The following ERBB4 variants were observed in gnomAD, a reference collection of about 807,000 sequenced individuals.
ERBB4 encodes the protein erb-b2 receptor tyrosine kinase 4, also known as receptor tyrosine-protein kinase erbB-4.
A neutral mutation model predicts 158.0 loss-of-function variants in ERBB4; 42 were observed. That is an observed-to-expected ratio of 0.27 (90% confidence interval 0.21 to 0.34). ERBB4 has a LOEUF of 0.34. ERBB4 is among the 10% of genes least tolerant of loss of function. ERBB4 has a pLI of 1.00. For synonymous variants in ERBB4, 583 were observed against 558.7 expected (o/e 1.04, Z -0.61); for missense variants, 1,333 against 1,624.1 (o/e 0.82, Z 3.08).
intron 2 of ERBB4, among the ~76,000 whole-genome samples, chr2:212,015,946 T>C (rs1009784882): frequency 1.3e-5 from 2 of 152,034 alleles, no homozygotes; most frequent in African/African-American, 4.8e-5. Flanking sequence ...TTGCATCATA[T>C]GTTTTATACC....
chr2:212,313,891 C>T (rs1351277726), intron 1 of ERBB4, among the ~76,000 whole-genome samples: 2 of 151,026 alleles, frequency 1.3e-5, no homozygotes, highest in African/African-American at 2.4e-5. Context: ...GGGATAGAAT[C>T]TCAAAGTTCT....
intron 1 of ERBB4, among the ~76,000 whole-genome samples, chr2:212,490,673 T>C (rs1690225029): frequency 1.3e-5 from 2 of 151,796 alleles, no homozygotes; most frequent in Admixed American, 6.6e-5. Context: ...TTTGATAGTG[T>C]TGTCAAACAT....
At chr2:211,606,537 T>A (rs2068983260) in intron 19 of ERBB4, among the ~76,000 whole-genome samples, 1 of 152,022 alleles carries the variant, frequency 6.6e-6, no homozygotes, top group African/African-American at 2.4e-5. Context: ...TTGATATTAT[T>A]TATGGATCTC....
intron 2 of ERBB4, among the ~76,000 whole-genome samples, chr2:212,007,662 T>G (rs1350053410): frequency 1.3e-5 from 2 of 151,862 alleles, no homozygotes. Context: ...AGTCTCCAAA[T>G]TCATAACTTA....
chr2:211,995,044 A>G (rs141071684), intron 2 of ERBB4, among the ~76,000 whole-genome samples: 1 of 152,326 alleles, frequency 6.6e-6, no homozygotes, highest in East Asian at 1.9e-4. Context: ...GCAGCATGCA[A>G]CATGGAACAC....
intron 1 of ERBB4, among the ~76,000 whole-genome samples, chr2:212,349,317 A>ACACACG (rs1389746432): frequency 1.3e-5 from 2 of 151,278 alleles, no homozygotes; most frequent in South Asian, 4.2e-4. Context: ...ACACACACAC[A>ACACACG]CACACCCTTC....
intron 5 of ERBB4, among the ~76,000 whole-genome samples, chr2:211,735,346 T>A (rs1478492050): frequency 6.6e-6 from 1 of 152,218 alleles, no homozygotes; most frequent in Non-Finnish European, 1.5e-5. Flanking sequence ...TAAGTTATTA[T>A]CAAAGTGGAG....
At chr2:212,536,126 A>G (rs977846580) in intron 1 of ERBB4, among the ~76,000 whole-genome samples, 4 of 152,150 alleles carry the variant, frequency 2.6e-5, no homozygotes, top group African/African-American at 9.7e-5. Context: ...ACTCCTCCAA[A>G]CTGCTACTGA....
At chr2:211,473,166 T>C (rs1393244202) in intron 20 of ERBB4, among the ~76,000 whole-genome samples, 1 of 151,400 alleles carries the variant, frequency 6.6e-6, no homozygotes, top group Non-Finnish European at 1.5e-5. Context: ...AAACAGAGAG[T>C]TTACACACAA....
At chr2:211,944,206 A>ATATATATAT (rs371912701) in intron 3 of ERBB4, among the ~76,000 whole-genome samples, 4 of 104,056 alleles carry the variant, frequency 3.8e-5, no homozygotes, top group Admixed American at 1.1e-4. Context: ...TATACTATAT[A>ATATATATAT]TATATATACA....
chr2:211,729,919 G>A (rs1251230175), intron 5 of ERBB4, among the ~76,000 whole-genome samples: 1 of 151,828 alleles, frequency 6.6e-6, no homozygotes, highest in African/African-American at 2.4e-5. Flanking sequence ...TGCACTAAAT[G>A]TGATTAATAT....
At chr2:212,335,770 C>T (rs1187614213) in intron 1 of ERBB4, among the ~76,000 whole-genome samples, 1 of 151,892 alleles carries the variant, frequency 6.6e-6, no homozygotes, top group South Asian at 2.1e-4. Context: ...AGAACAAAGG[C>T]TATAGTGAGA....
chr2:211,855,646 A>C (rs1228747988), intron 3 of ERBB4, among the ~76,000 whole-genome samples: 6 of 152,142 alleles, frequency 3.9e-5, no homozygotes, highest in African/African-American at 1.2e-4. Flanking sequence ...GAATTATATT[A>C]CTTTGTCTAT....
intron 1 of ERBB4, among the ~76,000 whole-genome samples, chr2:212,401,561 T>A (rs2091204273): frequency 6.6e-6 from 1 of 152,042 alleles, no homozygotes; most frequent in South Asian, 2.1e-4. Context: ...TACCAAGAAA[T>A]GACTGAACAT....
intron 1 of ERBB4, among the ~76,000 whole-genome samples, chr2:212,497,962 G>A (rs1258815288): frequency 6.6e-6 from 1 of 152,024 alleles, no homozygotes; most frequent in African/African-American, 2.4e-5. Context: ...ACAATAAATT[G>A]GCACTGTTTA....
intron 2 of ERBB4, among the ~76,000 whole-genome samples, chr2:212,000,721 G>A (rs1421284203): frequency 2.6e-5 from 4 of 151,592 alleles, no homozygotes; most frequent in African/African-American, 9.7e-5. Flanking sequence ...TGTTAAGAAG[G>A]TCAGAAAAAA....
chr2:211,872,090 T>TATAA (rs1553651711), intron 3 of ERBB4, among the ~76,000 whole-genome samples: 1 of 51,850 alleles, frequency 1.9e-5, no homozygotes, highest in African/African-American at 4.8e-5. Flanking sequence ...ATGAATGAAT[T>TATAA]ATTAATTTTC....
intron 20 of ERBB4, among the ~76,000 whole-genome samples, chr2:211,511,283 A>T (rs187605108): frequency 6.6e-6 from 1 of 152,156 alleles, no homozygotes; most frequent in East Asian, 1.9e-4. Flanking sequence ...TAGGACCTTG[A>T]AAAATATGTT....
chr2:212,461,615 G>T (rs1262301381), intron 1 of ERBB4, among the ~76,000 whole-genome samples: 3 of 152,164 alleles, frequency 2.0e-5, no homozygotes, highest in African/African-American at 7.2e-5. Context: ...TGTGGACTCT[G>T]AGTTAATGCT....
Sources: allele counts gnomAD v4.1 joint callset (sites outside exome capture counted in the v4.1 genomes callset), GRCh38; gene constraint gnomAD v4.1.1; transcripts MANE v1.5; gene names NCBI Gene and HGNC (gene_info 2026-07-23, HGNC 2026-07-21).